Variants in MTMR7 observed in about 807,000 individuals in gnomAD.
MTMR7 encodes the protein myotubularin related protein 7, also known as phosphatidylinositol-3-phosphate phosphatase MTMR7.
MTMR7 carries 76 observed loss-of-function variants against 81.2 expected under a neutral mutation model. The ratio of observed to expected loss-of-function variants is 0.94; its 90% CI spans 0.78 to 1.13. The LOEUF (loss-of-function observed/expected upper bound fraction) is 1.13, where lower values mean the gene tolerates loss of function less well. MTMR7 is among the 50% of genes most tolerant of loss of function. MTMR7 has a pLI of 0.00. For synonymous variants in MTMR7, 372 were observed against 289.8 expected, an observed-to-expected ratio of 1.28 and a Z score of -2.88; for missense variants, 1,044 against 820.0, an observed-to-expected ratio of 1.27 and a Z score of -3.34.
At chr8:17,405,009 T>C (rs985390815) in intron 1 of MTMR7, among the ~76,000 whole-genome samples, 1 of 152,144 alleles carries the variant, frequency 6.6e-6, no homozygotes, top group Non-Finnish European at 1.5e-5. Flanking sequence ...TATTTTATAT[T>C]AGTAGAGACA....
At chr8:17,370,984 T>G (rs554343148) in intron 3 of MTMR7, 53 bp downstream of exon 3, 1 of 1,571,254 alleles carries the variant, frequency 6.4e-7, no homozygotes, top group East Asian at 2.3e-5. Flanking sequence ...TGAATCTGAT[T>G]TGCAAATTTT....
Position 17,298,167 on chromosome 8 carries a change from T to G in MTMR7, c.*1695A>C, listed in dbSNP as rs1366154991. On this transcript the variant is annotated 3_prime_UTR_variant, in exon 14 of 14. Transcript: ENST00000180173. ...TCCAAGAAGGTTGTGAAGTGAGTTA[T>G]GTTATGTTATAAAAATGTGAAAGCC... 1.3e-5 allele frequency: 2 copies of G among 151,766 alleles called. No homozygotes were observed. The highest frequency in any genetic ancestry group is 4.1e-4 in the South Asian group (2 of 4,834). The allele number at this position is 151,766 out of a possible 1,614,324, so 9.4% of individuals were successfully genotyped here. A position where few individuals can be genotyped will look rare whatever the true frequency, so the allele number is the denominator to read the frequency against.
At position 17,337,697 on chromosome 8, in the gene MTMR7, C is replaced by T. The variant is rs776580552; in HGVS notation, c.732+3666G>A. 4.0e-4 allele frequency among the ~76,000 whole-genome samples: 61 copies of T among 152,274 alleles called. 1 individual carries two copies. The highest frequency in any genetic ancestry group is 1.4e-3 in the Admixed American group (22 of 15,290). On this transcript the variant is annotated intron_variant, in intron 6 of 13. Coordinates refer to ENST00000180173, the MANE Select transcript of MTMR7 (RefSeq NM_004686.5). ...GTGGCACAATCACAGGTCAGTGCAG[C>T]CTCAAACTCCTGGGCTTAAGCAATC...
chr8:17,412,442 T>C (rs1163536171), intron 1 of MTMR7, among the ~76,000 whole-genome samples: 1 of 152,192 alleles, frequency 6.6e-6, no homozygotes, highest in Non-Finnish European at 1.5e-5. Context: ...GCATATTCTT[T>C]CACTCGTTTA....
chr8:17,330,585 T>G (rs993986811), intron 7 of MTMR7, among the ~76,000 whole-genome samples: 1 of 152,224 alleles, frequency 6.6e-6, no homozygotes, highest in Non-Finnish European at 1.5e-5. Context: ...TCCATCTCTT[T>G]AATTTCCTGT....
chr8:17,321,712 C>T (rs537519070), intron 7 of MTMR7, among the ~76,000 whole-genome samples: 1 of 152,288 alleles, frequency 6.6e-6, no homozygotes, highest in South Asian at 2.1e-4. Flanking sequence ...TTTTGCTGAA[C>T]AAAGTTCATT....
intron 7 of MTMR7, among the ~76,000 whole-genome samples, chr8:17,318,672 A>G (rs1046693053): frequency 6.6e-6 from 1 of 152,142 alleles, no homozygotes; most frequent in Admixed American, 6.6e-5. Context: ...GTTCCAGGTT[A>G]GGGTCTGCTA....
intron 7 of MTMR7, among the ~76,000 whole-genome samples, chr8:17,324,686 G>A (rs966347213): frequency 1.3e-5 from 2 of 152,196 alleles, no homozygotes; most frequent in African/African-American, 4.8e-5. Context: ...CAGAACACTT[G>A]TTAATAGGCC....
chr8:17,407,122 T>C (rs1204408255), intron 1 of MTMR7, among the ~76,000 whole-genome samples: 1 of 152,144 alleles, frequency 6.6e-6, no homozygotes, highest in Non-Finnish European at 1.5e-5. Context: ...AGGTAAATTA[T>C]ACTTCAATAA....
chr8:17,399,150 A>G (rs1461547035), intron 1 of MTMR7, among the ~76,000 whole-genome samples: 11 of 152,026 alleles, frequency 7.2e-5, no homozygotes, highest in Admixed American at 7.2e-4. Flanking sequence ...CAAGAGAAAA[A>G]AAAAATAAAG....
At position 17,298,612 on chromosome 8, in the gene MTMR7, C is replaced by T. The variant is rs1340864315; in HGVS notation, c.*1250G>A. ...GTTTAAATTAATCCTTTCACATATT[C>T]AAAATATTGATCTAAATTGTAAAGT... is the stretch of plus-strand genomic sequence containing the variant. On this transcript the variant is annotated 3_prime_UTR_variant, in exon 14 of 14. Coordinates refer to ENST00000180173, the MANE Select transcript of MTMR7 (RefSeq NM_004686.5). 1 of 152,326 alleles carries T rather than the reference C, an allele frequency of 6.6e-6. No homozygotes were observed. The highest frequency in any genetic ancestry group is 2.4e-5 in the African/African-American group (1 of 41,390). The allele number at this position is 152,326 out of a possible 1,614,324, so 9.4% of individuals were successfully genotyped here. A position where few individuals can be genotyped will look rare whatever the true frequency, so the allele number is the denominator to read the frequency against.
intron 1 of MTMR7, among the ~76,000 whole-genome samples, chr8:17,397,416 A>T (rs922161869): frequency 2.6e-5 from 4 of 152,134 alleles, no homozygotes; most frequent in Non-Finnish European, 5.9e-5. Context: ...CTTTAAGCGA[A>T]CGTCGGTGGT....
At chr8:17,386,707 G>A (rs991856844) in intron 1 of MTMR7, among the ~76,000 whole-genome samples, 1 of 152,198 alleles carries the variant, frequency 6.6e-6, no homozygotes, top group African/African-American at 2.4e-5. Context: ...AAAAGCGCCA[G>A]CTGCCCTTCT....
intron 7 of MTMR7, among the ~76,000 whole-genome samples, chr8:17,329,676 G>A (rs1326935861): frequency 6.6e-6 from 1 of 152,144 alleles, no homozygotes; most frequent in Non-Finnish European, 1.5e-5. Context: ...GATAAATGAT[G>A]AACAGTCTTC....
intron 10 of MTMR7, among the ~76,000 whole-genome samples, chr8:17,306,872 T>C (rs935647274): frequency 4.6e-5 from 7 of 152,190 alleles, no homozygotes; most frequent in African/African-American, 1.7e-4. Context: ...CTTTGCACCT[T>C]ATACAAAAAT....
At chr8:17,380,363 T>G (rs1420809587) in intron 1 of MTMR7, among the ~76,000 whole-genome samples, 3 of 152,180 alleles carry the variant, frequency 2.0e-5, no homozygotes, top group Non-Finnish European at 4.4e-5. Flanking sequence ...AGTAACCCCC[T>G]GAATTATAGG....
Position 17,322,950 on chromosome 8 carries a change from C to CTTTTTTTTTTT in MTMR7, c.865+8189_865+8199dup, listed in dbSNP as rs58584179. ...TCCCATCTAGAGTGGATTGAATTAT[C>CTTTTTTTTTTT]TTTTTTTTTTTTTTTTTGAGACAGT... On this transcript the variant is annotated intron_variant, in intron 7 of 13. Transcript: ENST00000180173. Among the ~76,000 whole-genome samples the CTTTTTTTTTTT allele has an allele frequency of 2.0e-4, 25 of 125,762 alleles. 2 individuals are homozygous for CTTTTTTTTTTT. The highest frequency in any genetic ancestry group is 9.9e-4 in the East Asian group (4 of 4,040). 82.5% of individuals were successfully genotyped at this position (125,762 alleles called of 152,430 possible). A position where few individuals can be genotyped will look rare whatever the true frequency, so the allele number is the denominator to read the frequency against.
At chr8:17,402,954 C>A (rs1016046190) in intron 1 of MTMR7, among the ~76,000 whole-genome samples, 33 of 152,284 alleles carry the variant, frequency 2.2e-4, no homozygotes, top group African/African-American at 7.7e-4. Flanking sequence ...TGGGGTGATA[C>A]AGTATCTCAC....
intron 6 of MTMR7, among the ~76,000 whole-genome samples, chr8:17,336,592 C>T (rs530314693): frequency 3.3e-5 from 5 of 152,306 alleles, no homozygotes; most frequent in Admixed American, 6.5e-5. Flanking sequence ...AAACATCCCA[C>T]GTGACATCCT....
Sources: allele counts gnomAD v4.1 joint callset (sites outside exome capture counted in the v4.1 genomes callset), GRCh38; gene constraint gnomAD v4.1.1; transcripts MANE v1.5; gene names NCBI Gene and HGNC (gene_info 2026-07-23, HGNC 2026-07-21).